MAST2: variants seen among roughly 807,000 people sequenced by gnomAD.
MAST2 encodes microtubule-associated serine/threonine-protein kinase 2.
In MAST2, 70 loss-of-function variants were observed where a neutral mutation model predicts 147.4. The ratio of observed to expected loss-of-function variants is 0.47; its 90% confidence interval spans 0.39 to 0.58. The LOEUF is 0.58. Among genes scored for constraint, MAST2 ranks in the 20% least tolerant of loss-of-function variants. The pLI is 0.00. For missense variants in MAST2, 2,080 were observed against 2,302.3 expected, an observed-to-expected ratio of 0.90 and a Z score of 1.98; for synonymous variants, 869 against 896.8, an observed-to-expected ratio of 0.97 and a Z score of 0.55.
chr1:45,914,346 C>T (rs1240637371), intron 4 of MAST2, among the ~76,000 whole-genome samples: 1 of 152,062 alleles, frequency 6.6e-6, no homozygotes, highest in Non-Finnish European at 1.5e-5. Flanking sequence ...AGGGTGTGAC[C>T]TCTATTTTAT....
At chr1:45,852,571 A>G (rs1329756110) in intron 3 of MAST2, among the ~76,000 whole-genome samples, 2 of 143,594 alleles carry the variant, frequency 1.4e-5, no homozygotes, top group African/African-American at 2.6e-5. Flanking sequence ...GAGTCTTGCT[A>G]TGTTGCCCAG....
At chr1:45,961,126 C>T (rs1457831482) in intron 5 of MAST2, among the ~76,000 whole-genome samples, 1 of 152,038 alleles carries the variant, frequency 6.6e-6, no homozygotes, top group African/African-American at 2.4e-5. Flanking sequence ...GTAAATCTCT[C>T]AATCACAAGC....
At position 46,023,435 on chromosome 1, in the gene MAST2, C is replaced by A. The variant is rs976413694; in HGVS notation, c.1571+117C>A. On this transcript the variant is annotated intron_variant, in intron 14 of 28. Transcript: ENST00000361297. This position sits in a 1 kb window ranked among gnomAD's most constrained non-coding sequence, Gnocchi z 4.9. ...GCAGATGCCTCGGGGTGGACCTTCTCACTCCCAGAAGCCTCCTGGGTGGGC... is the reference window on the plus strand; with the variant it reads ...GCAGATGCCTCGGGGTGGACCTTCTAACTCCCAGAAGCCTCCTGGGTGGGC... The A allele has an allele frequency of 1.1e-6, 1 of 931,650 alleles. No homozygotes were observed. The highest frequency in any genetic ancestry group is 2.4e-5 in the East Asian group (1 of 41,132). The allele number at this position is 931,650 out of a possible 1,614,324, so 57.7% of individuals were successfully genotyped here.
chr1:45,830,173 A>G (rs1644910363), intron 3 of MAST2, among the ~76,000 whole-genome samples: 1 of 135,530 alleles, frequency 7.4e-6, no homozygotes, highest in Non-Finnish European at 1.5e-5. Context: ...ATGAAATTTT[A>G]ATTGAATCTT....
chr1:45,892,597 A>T (rs1356751964), intron 4 of MAST2, among the ~76,000 whole-genome samples: 1 of 152,156 alleles, frequency 6.6e-6, no homozygotes. Context: ...ATGCTATTGG[A>T]AGCCTGTCTA....
chr1:45,966,430 A>C (rs1027058264), intron 5 of MAST2, among the ~76,000 whole-genome samples: 245 of 152,102 alleles, frequency 1.6e-3, no homozygotes, highest in Non-Finnish European at 1.9e-3. Flanking sequence ...TGTAAAAAAA[A>C]AAAAAAAAAA....
intron 4 of MAST2, among the ~76,000 whole-genome samples, chr1:45,950,608 A>G (rs868742760): frequency 1.2e-3 from 184 of 152,320 alleles, no homozygotes; most frequent in African/African-American, 4.2e-3. Flanking sequence ...ACTCTGGCTC[A>G]TCTGTCAGAA....
intron 10 of MAST2, among the ~76,000 whole-genome samples, chr1:46,015,433 C>T (rs1046866432): frequency 6.6e-6 from 1 of 152,012 alleles, no homozygotes. Flanking sequence ...GCTACCAAGA[C>T]TAATAAAGAA....
intron 3 of MAST2, among the ~76,000 whole-genome samples, chr1:45,867,020 G>C (rs1646183261): frequency 6.6e-6 from 1 of 152,078 alleles, no homozygotes; most frequent in African/African-American, 2.4e-5. Flanking sequence ...CAATTGCTGG[G>C]ATTGCAGATG....
chr1:46,030,248 A>G lies in MAST2; in HGVS notation c.2553+10A>G. 6.2e-7 allele frequency: 1 copy of G among 1,612,856 alleles called. No homozygotes were observed. The highest frequency in any genetic ancestry group is 1.3e-5 in the African/African-American group (1 of 75,032). On this transcript the variant is annotated intron_variant, in intron 21 of 28. Coordinates refer to ENST00000361297, the MANE Select transcript of MAST2 (RefSeq NM_015112.3). ...TCCAAGGTTCAACAAGGTGTGACTG[A>G]GGAGGCCCAGAATGGGCAGAACAGG...
Position 46,031,222 on chromosome 1 carries a change from A to G in MAST2, c.2924A>G (p.Glu975Gly), listed in dbSNP as rs1309932452. ...GAGGGGGTATCTGGGCCTGTCACTG[A>G]ACACTCAGGGGAGCAGCGGCCAAAG... The part of the protein sequence containing the change: ...SGEGVSGPVT[E>G]HSGEQRPKLD... Residue 975 changes from glutamate to glycine, a missense_variant, in exon 23 of 29, where the codon GAA (glutamate) becomes GGA (glycine). Around this residue, in one of 4 missense-constraint regions of MAST2, gnomAD observed 1,278 missense variants for 1,304.2 expected, o/e 0.98. Transcript: ENST00000361297. The surrounding 1 kb of genome is among the most constrained non-coding windows in gnomAD (Gnocchi z 4.1). 6.4e-7 allele frequency: 1 copy of G among 1,551,074 alleles called. No individual in the cohort carries two copies. The highest frequency in any genetic ancestry group is 1.2e-5 in the South Asian group (1 of 81,958).
intron 4 of MAST2, among the ~76,000 whole-genome samples, chr1:45,892,211 C>A (rs957091139): frequency 6.6e-6 from 1 of 152,154 alleles, no homozygotes. Flanking sequence ...TAGCCCTATT[C>A]AAATAACCAT....
Position 45,824,542 on chromosome 1 carries a change from G to GT in MAST2, c.288dup (p.Lys97Ter), listed in dbSNP as rs778842904. 1.9e-6 allele frequency: 3 copies of GT among 1,608,964 alleles called. No homozygotes were observed. Among genetic ancestry groups the GT allele is most frequent in the East Asian group, 2.2e-5 (1 of 44,742 alleles). On this transcript the variant is annotated frameshift_variant, in exon 2 of 29. Transcript: ENST00000361297. LOFTEE classifies it high-confidence loss of function. ...CAGCGACAACTGAGTCAGGATGATT[G>GT]TAAGTTATGGAGAGGAAACCTGGCC...
intron 5 of MAST2, among the ~76,000 whole-genome samples, chr1:45,962,335 G>A (rs1293551126): frequency 2.0e-5 from 3 of 151,968 alleles, no homozygotes; most frequent in African/African-American, 7.2e-5. Flanking sequence ...AGATCCCTGA[G>A]GAATCGCCAC....
chr1:45,857,259 C>A (rs538680851), intron 3 of MAST2, among the ~76,000 whole-genome samples: 1 of 152,074 alleles, frequency 6.6e-6, no homozygotes, highest in South Asian at 2.1e-4. Context: ...GAAAGGAAGA[C>A]TACTTTGAAA....
intron 4 of MAST2, among the ~76,000 whole-genome samples, chr1:45,951,183 T>C (rs888982436): frequency 1.5e-4 from 23 of 152,234 alleles, no homozygotes; most frequent in African/African-American, 5.5e-4. Flanking sequence ...ATTGTGCCAT[T>C]GCACCCTAGC....
intron 3 of MAST2, among the ~76,000 whole-genome samples, chr1:45,838,633 T>C (rs980277087): frequency 6.6e-6 from 1 of 152,230 alleles, no homozygotes; most frequent in African/African-American, 2.4e-5. Flanking sequence ...TCGTATATTC[T>C]GAATACAAGT....
intron 4 of MAST2, among the ~76,000 whole-genome samples, chr1:45,932,911 C>T (rs1266066251): frequency 6.6e-6 from 1 of 151,892 alleles, no homozygotes; most frequent in Non-Finnish European, 1.5e-5. Context: ...CCTCACTAGC[C>T]CTTGAGCTTT....
At chr1:45,986,534 C>G (rs529839023) in intron 5 of MAST2, among the ~76,000 whole-genome samples, 1 of 152,114 alleles carries the variant, frequency 6.6e-6, no homozygotes, top group South Asian at 2.1e-4. Context: ...CTAGCTAACA[C>G]AGTGAAACCC....
Sources: gnomAD v4.1 joint callset for allele counts (sites outside exome capture counted in the v4.1 genomes callset) on GRCh38, gnomAD v4.1.1 for gene constraint, gnomAD v4.1.1 regional missense constraint, Gnocchi (gnomAD v3.1) non-coding constraint, MANE v1.5 for transcripts, NCBI Gene and HGNC (gene_info 2026-07-23, HGNC 2026-07-21) for gene names.